The following HMGN5 variants were observed in gnomAD, a reference collection of about 807,000 sequenced individuals.
The protein encoded by HMGN5 is high mobility group nucleosome binding domain 5.
In HMGN5, 4 loss-of-function variants were observed where a neutral mutation model predicts 9.5. The observed-to-expected ratio is 0.42, with a 90% CI of 0.21 to 0.96. The LOEUF (loss-of-function observed/expected upper bound fraction) is 0.96, where lower values mean the gene tolerates loss of function less well. Among genes scored for constraint, HMGN5 ranks in the 40% least tolerant of loss-of-function variants. The probability of loss-of-function intolerance (pLI) is 0.30; values close to 1 mark genes in which losing one functional copy is unlikely to be tolerated. For synonymous variants in HMGN5, 55 were observed against 57.1 expected, an observed-to-expected ratio of 0.96 and a Z score of 0.16; for missense variants, 192 against 187.5, an observed-to-expected ratio of 1.02 and a Z score of -0.14.
intron 1 of HMGN5, among the ~76,000 whole-genome samples, chrX:81,151,622 A>T (rs1477138898): frequency 9.0e-6 from 1 of 111,213 alleles, no homozygotes; most frequent in Non-Finnish European, 1.9e-5. Context: ...GTTTTATTTC[A>T]TTGAGCAGTG....
At chrX:81,197,025 T>C (rs1158470837) in intron 1 of HMGN5, among the ~76,000 whole-genome samples, 1 of 112,092 alleles carries the variant, frequency 8.9e-6, no homozygotes, top group African/African-American at 3.2e-5. Flanking sequence ...AATTACCCAG[T>C]CTTTGGTATT....
At chrX:81,129,836 G>A (rs2075293879) in intron 1 of HMGN5, among the ~76,000 whole-genome samples, 1 of 110,696 alleles carries the variant, frequency 9.0e-6, no homozygotes, top group Non-Finnish European at 1.9e-5. Flanking sequence ...AAGTTTCTAA[G>A]TGAGTTATTA....
At chrX:81,168,720 C>A (rs1380261490) in intron 1 of HMGN5, among the ~76,000 whole-genome samples, 3 of 111,504 alleles carry the variant, frequency 2.7e-5, no homozygotes, top group Non-Finnish European at 5.6e-5. Context: ...GTGGCCACAG[C>A]CTGTATAAAA....
At chrX:81,176,429 G>T (rs889547402) in intron 1 of HMGN5, among the ~76,000 whole-genome samples, 1 of 111,553 alleles carries the variant, frequency 9.0e-6, no homozygotes, top group Admixed American at 9.6e-5. Context: ...GCTGGACGGA[G>T]AATGACTGAT....
chrX:81,192,346 T>C (rs2075496473), intron 1 of HMGN5, among the ~76,000 whole-genome samples: 1 of 111,910 alleles, frequency 8.9e-6, no homozygotes, highest in African/African-American at 3.2e-5. Flanking sequence ...TATTGAAGAA[T>C]ATGGGTAAAA....
At position 81,114,639 on chromosome X, in the gene HMGN5, T is replaced by C. The variant is rs995492208; in HGVS notation, c.*10A>G. On this transcript the variant is annotated 3_prime_UTR_variant, in exon 7 of 7. Transcript: ENST00000358130. ...CATGTTACCAAATTATGAAACTACATAGGGCAGTTTTAAACAATACTCTGT... is the reference window on the plus strand; with the variant it reads ...CATGTTACCAAATTATGAAACTACACAGGGCAGTTTTAAACAATACTCTGT... 3.6e-6 allele frequency: 4 copies of C among 1,103,821 alleles called. No homozygotes were observed. The highest frequency in any genetic ancestry group is 4.7e-6 in the Non-Finnish European group (4 of 846,374). The allele number at this position is 1,103,821 out of a possible 1,213,427, so 91.0% of individuals were successfully genotyped here. A position where few individuals can be genotyped will look rare whatever the true frequency, so the allele number is the denominator to read the frequency against.
intron 1 of HMGN5, among the ~76,000 whole-genome samples, chrX:81,153,553 C>T (rs1413762523): frequency 2.2e-4 from 1 of 4,481 alleles, no homozygotes; most frequent in Admixed American, 3.0e-3. Flanking sequence ...AACTCTGCCT[C>T]TCTCTCTCTC....
At chrX:81,183,843 C>G (rs1475662457) in intron 1 of HMGN5, among the ~76,000 whole-genome samples, 1 of 105,896 alleles carries the variant, frequency 9.4e-6, no homozygotes, top group Non-Finnish European at 2.0e-5. Flanking sequence ...GATGATTTCT[C>G]CCTTTTGAAA....
At chrX:81,185,032 C>T (rs73634720) in intron 1 of HMGN5, among the ~76,000 whole-genome samples, 4,225 of 111,155 alleles carry the variant, frequency 0.038, 168 homozygotes, top group African/African-American at 0.12. Flanking sequence ...ACTATAGCTC[C>T]GTAATATAAT....
chrX:81,171,283 T>C (rs2075425202), intron 1 of HMGN5, among the ~76,000 whole-genome samples: 1 of 111,512 alleles, frequency 9.0e-6, no homozygotes, highest in African/African-American at 3.3e-5. Flanking sequence ...AACATGAATT[T>C]TAGGTAAGTA....
At chrX:81,188,263 ATATTATTATTAT>A (rs558790724) in intron 1 of HMGN5, among the ~76,000 whole-genome samples, 151 of 86,967 alleles carry the variant, frequency 1.7e-3, no homozygotes, top group Non-Finnish European at 2.5e-3. Context: ...TGTGCACAGA[ATATTATTATTAT>A]TATTATTATT....
chrX:81,136,724 A>G (rs777208650), intron 1 of HMGN5, among the ~76,000 whole-genome samples: 2 of 111,680 alleles, frequency 1.8e-5, no homozygotes, highest in African/African-American at 6.5e-5. Context: ...CCTTAAATGT[A>G]AACAGTCTAA....
At position 81,114,555 on chromosome X, in the gene HMGN5, G is replaced by T. The variant is rs2075246794; in HGVS notation, c.*94C>A. 1.2e-6 allele frequency: 1 copy of T among 809,599 alleles called. No individual in the cohort carries two copies. Among genetic ancestry groups the T allele is most frequent in the Non-Finnish European group, 1.6e-6 (1 of 613,935 alleles). The allele number at this position is 809,599 out of a possible 1,213,427, so 66.7% of individuals were successfully genotyped here. On this transcript the variant is annotated 3_prime_UTR_variant, in exon 7 of 7. Transcript: ENST00000358130. ...ATTAAATCAATGCTAAAGAAAGGCT[G>T]TGTTTATAAAATTTTTGATAAAAAT...
chrX:81,133,133 C>T (rs1052921818), intron 1 of HMGN5, among the ~76,000 whole-genome samples: 1 of 110,470 alleles, frequency 9.1e-6, no homozygotes, highest in Non-Finnish European at 1.9e-5. Flanking sequence ...TAGAGAAATG[C>T]AAATCAAAAC....
chrX:81,141,299 T>G (rs891439196), intron 1 of HMGN5, among the ~76,000 whole-genome samples: 1 of 111,492 alleles, frequency 9.0e-6, no homozygotes, highest in Non-Finnish European at 1.9e-5. Context: ...TGTAGAACCC[T>G]AGGGCCTTAA....
chrX:81,201,444 A>G lies in HMGN5; in HGVS notation c.-124+293T>C, dbSNP rs1419548066. ...AAAATCATCCATCTTTTTACACAAT[A>G]TTTTCAATCTTTTCTTTGTAATTTA... On this transcript the variant is annotated intron_variant, in intron 1 of 6. Coordinates refer to ENST00000358130, the MANE Select transcript of HMGN5 (RefSeq NM_030763.3). Among the ~76,000 whole-genome samples, 4 of 111,561 alleles carry G rather than the reference A, an allele frequency of 3.6e-5. No individual in the cohort carries two copies. The East Asian group carries it at 1.1e-3, about 31-fold the overall frequency.
intron 1 of HMGN5, chrX:81,195,015 G>T (rs986541600): frequency 4.5e-5 from 5 of 111,672 alleles, no homozygotes; most frequent in African/African-American, 1.3e-4. Flanking sequence ...GGTAGGATGT[G>T]GGGGGAAGAT....
intron 1 of HMGN5, among the ~76,000 whole-genome samples, chrX:81,141,527 AAAGT>A (rs1419356152): frequency 9.0e-6 from 1 of 111,145 alleles, no homozygotes; most frequent in African/African-American, 3.3e-5. Context: ...TGTTTAGGAG[AAAGT>A]AAGGGAAGAA....
chrX:81,142,298 T>A (rs2147554935), intron 1 of HMGN5, among the ~76,000 whole-genome samples: 1 of 111,436 alleles, frequency 9.0e-6, no homozygotes, highest in African/African-American at 3.3e-5. Context: ...GAAAATTGAT[T>A]CAAAGGGATA....
Sources: gnomAD v4.1 joint callset for allele counts (sites outside exome capture counted in the v4.1 genomes callset) on GRCh38, gnomAD v4.1.1 for gene constraint, MANE v1.5 for transcripts, NCBI Gene and HGNC (gene_info 2026-07-23, HGNC 2026-07-21) for gene names.